UST: variants seen among roughly 807,000 people sequenced by gnomAD.
UST encodes the protein chondroitin sulfate 2-O-sulfotransferase.
In UST, 21 loss-of-function variants were observed where a neutral mutation model predicts 45.6. The observed-to-expected ratio is 0.46, with a 90% CI of 0.33 to 0.66. UST has a LOEUF of 0.66. Ranked by LOEUF, UST falls within the 30% of genes least tolerant of loss-of-function variation. The probability of loss-of-function intolerance (pLI) is 0.02; values close to 1 mark genes in which losing one functional copy is unlikely to be tolerated. For synonymous variants in UST, 215 were observed against 200.6 expected, an observed-to-expected ratio of 1.07 and a Z score of -0.61; for missense variants, 463 against 512.4, an observed-to-expected ratio of 0.90 and a Z score of 0.93.
intron 2 of UST, among the ~76,000 whole-genome samples, chr6:148,920,598 G>A (rs1779684562): frequency 6.6e-6 from 1 of 152,118 alleles, no homozygotes; most frequent in Non-Finnish European, 1.5e-5. Context: ...GCCCAATCCT[G>A]GCTCACTGCA....
intron 3 of UST, among the ~76,000 whole-genome samples, chr6:148,946,254 G>A (rs546345630): frequency 8.3e-4 from 126 of 152,330 alleles, no homozygotes; most frequent in Non-Finnish European, 1.5e-3. Flanking sequence ...GCTCACGCCT[G>A]TAATCCCAGC....
chr6:149,055,237 G>A (rs78884932), intron 7 of UST, among the ~76,000 whole-genome samples: 3,454 of 152,258 alleles, frequency 0.023, 47 homozygotes, highest in Middle Eastern at 0.088. Flanking sequence ...TTAACTGTGC[G>A]TGACTTGAGG....
At chr6:148,935,625 C>T (rs1188844757) in intron 2 of UST, among the ~76,000 whole-genome samples, 2 of 152,152 alleles carry the variant, frequency 1.3e-5, no homozygotes, top group Non-Finnish European at 2.9e-5. Context: ...TCCAAATATA[C>T]TTAGGATTTT....
At chr6:148,827,425 G>A (rs1054188445) in intron 1 of UST, among the ~76,000 whole-genome samples, 27 of 152,044 alleles carry the variant, frequency 1.8e-4, no homozygotes, top group African/African-American at 5.8e-4. Flanking sequence ...TTTGAGACTA[G>A]CTGGACATCA....
At chr6:148,848,279 A>G (rs985575256) in intron 1 of UST, among the ~76,000 whole-genome samples, 1 of 152,190 alleles carries the variant, frequency 6.6e-6, no homozygotes, top group African/African-American at 2.4e-5. Flanking sequence ...TGCCCTGACC[A>G]TGGTATAGTT....
chr6:148,978,942 G>A (rs1781077287), intron 5 of UST, among the ~76,000 whole-genome samples: 1 of 152,088 alleles, frequency 6.6e-6, no homozygotes, highest in South Asian at 2.1e-4. Context: ...TATTCTACTA[G>A]AGTATGATGT....
intron 5 of UST, among the ~76,000 whole-genome samples, chr6:148,970,453 G>A (rs1156901728): frequency 6.6e-6 from 1 of 152,090 alleles, no homozygotes; most frequent in Non-Finnish European, 1.5e-5. Context: ...GCTGAGTGGT[G>A]GTGAAGATCA....
chr6:148,843,803 C>A (rs1777931074), intron 1 of UST, among the ~76,000 whole-genome samples: 1 of 152,192 alleles, frequency 6.6e-6, no homozygotes, highest in Admixed American at 6.6e-5. Context: ...AACCACACTT[C>A]CAGTATAATC....
At chr6:148,773,073 G>A (rs763750464) in intron 1 of UST, among the ~76,000 whole-genome samples, 6 of 152,140 alleles carry the variant, frequency 3.9e-5, no homozygotes, top group Non-Finnish European at 5.9e-5. Flanking sequence ...ATAGAAAATA[G>A]GATCTATGTT....
intron 1 of UST, among the ~76,000 whole-genome samples, chr6:148,877,108 G>T: frequency 2.8e-5 from 1 of 36,318 alleles, no homozygotes; most frequent in African/African-American, 1.2e-4. Flanking sequence ...GAGTAGGGGG[G>T]TCATGTTTGA....
intron 5 of UST, among the ~76,000 whole-genome samples, chr6:148,985,191 T>A (rs750250563): frequency 6.6e-6 from 1 of 152,130 alleles, no homozygotes; most frequent in Non-Finnish European, 1.5e-5. Flanking sequence ...GAATTGGAAG[T>A]TATCAGTATC....
chr6:149,027,046 C>G (rs1776059493), intron 7 of UST, among the ~76,000 whole-genome samples: 1 of 151,806 alleles, frequency 6.6e-6, no homozygotes, highest in Admixed American at 6.6e-5. Context: ...TATAAACAAT[C>G]ACAGAGTACA....
chr6:148,966,153 G>A (rs528362841), intron 5 of UST, among the ~76,000 whole-genome samples: 1 of 151,944 alleles, frequency 6.6e-6, no homozygotes, highest in Admixed American at 6.5e-5. Flanking sequence ...GAATCCGGGA[G>A]GCAGAGGTTG....
intron 4 of UST, among the ~76,000 whole-genome samples, chr6:148,957,842 A>C (rs971752206): frequency 6.6e-6 from 1 of 152,212 alleles, no homozygotes; most frequent in African/African-American, 2.4e-5. Flanking sequence ...CTGCTGACAG[A>C]CCTATTGCTT....
chr6:149,002,067 C>T (rs1781560623), intron 5 of UST, among the ~76,000 whole-genome samples: 1 of 151,938 alleles, frequency 6.6e-6, no homozygotes, highest in Non-Finnish European at 1.5e-5. Context: ...CAGACTCTCT[C>T]AGTAATGAAA....
chr6:148,829,430 T>C (rs1777641054), intron 1 of UST, among the ~76,000 whole-genome samples: 1 of 152,228 alleles, frequency 6.6e-6, no homozygotes, highest in African/African-American at 2.4e-5. Flanking sequence ...TGAGCATCAT[T>C]GTGAAGCGGG....
At chr6:148,897,939 T>G (rs1007350479) in intron 2 of UST, among the ~76,000 whole-genome samples, 1 of 152,156 alleles carries the variant, frequency 6.6e-6, no homozygotes, top group Non-Finnish European at 1.5e-5. Context: ...CACAATCCCC[T>G]GCCATTTTGT....
At chr6:148,895,591 G>C (rs181855827) in intron 2 of UST, among the ~76,000 whole-genome samples, 225 of 152,326 alleles carry the variant, frequency 1.5e-3, no homozygotes, top group African/African-American at 5.1e-3. Context: ...AGTGTTGTGG[G>C]AGGTAGCCAG....
chr6:149,010,852 T>G (rs2500543), intron 5 of UST, among the ~76,000 whole-genome samples: 127,586 of 143,976 alleles, frequency 0.89, 56,722 homozygotes, highest in Middle Eastern at 0.92. Context: ...AGATCGCGCC[T>G]CTGCACTGCA....
Sources: allele counts gnomAD v4.1 joint callset (sites outside exome capture counted in the v4.1 genomes callset), GRCh38; gene constraint gnomAD v4.1.1; transcripts MANE v1.5; gene names NCBI Gene and HGNC (gene_info 2026-07-23, HGNC 2026-07-21).